PIP5K1B: variants seen among roughly 807,000 people sequenced by gnomAD.
The protein encoded by PIP5K1B is phosphatidylinositol 4-phosphate 5-kinase type-1 beta.
A neutral mutation model predicts 67.0 loss-of-function variants in PIP5K1B; 42 were observed. The ratio of observed to expected loss-of-function variants is 0.63; its 90% CI spans 0.49 to 0.81. PIP5K1B has a LOEUF of 0.81. Among genes scored for constraint, PIP5K1B ranks in the 30% least tolerant of loss-of-function variants. The probability of loss-of-function intolerance (pLI) is 0.00; values close to 1 mark genes in which losing one functional copy is unlikely to be tolerated. For synonymous variants in PIP5K1B, 214 were observed against 231.4 expected (o/e 0.92, Z 0.68); for missense variants, 459 against 646.3 (o/e 0.71, Z 3.14).
intron 15 of PIP5K1B, among the ~76,000 whole-genome samples, chr9:68,993,440 A>G (rs1257641450): frequency 6.6e-6 from 1 of 151,922 alleles, no homozygotes; most frequent in South Asian, 2.1e-4. Flanking sequence ...ACCGCCCCCT[A>G]CGTAAAACAG....
At chr9:68,791,454 A>G (rs1001514927) in intron 2 of PIP5K1B, among the ~76,000 whole-genome samples, 1 of 152,214 alleles carries the variant, frequency 6.6e-6, no homozygotes, top group African/African-American at 2.4e-5. Context: ...TGAGTAAAGA[A>G]TGGCATTGAG....
intron 8 of PIP5K1B, among the ~76,000 whole-genome samples, chr9:68,903,846 A>G (rs1416565642): frequency 6.6e-6 from 1 of 152,252 alleles, no homozygotes; most frequent in African/African-American, 2.4e-5. Flanking sequence ...GTAACTTAAC[A>G]TGTAAAACAA....
At chr9:68,769,439 A>G (rs1414535155) in intron 2 of PIP5K1B, among the ~76,000 whole-genome samples, 5 of 152,022 alleles carry the variant, frequency 3.3e-5, no homozygotes, top group African/African-American at 9.7e-5. Flanking sequence ...CATTAATTGC[A>G]TTTTCCCTTC....
chr9:68,888,999 C>G lies in PIP5K1B; in HGVS notation c.337C>G (p.Pro113Ala), dbSNP rs1382915281. ...CTTTTAGTATTCCATCTGCAGTGAA[C>G]CTCTAATAGAACTGTCTAACCCTGG... is the stretch of plus-strand genomic sequence containing the variant. ...DDYLYSICSE[P>A]LIELSNPGAS... The change falls in exon 7 of 16, where the codon CCT (proline) becomes GCT (alanine). Residue 113 changes from proline (P) to alanine (A), a missense_variant. Around this residue, in one of 2 missense-constraint regions of PIP5K1B, gnomAD observed 290 missense variants for 474.4 expected, o/e 0.61. Transcript: ENST00000265382. The G allele has an allele frequency of 6.2e-7, 1 of 1,609,892 alleles. No homozygotes were observed. Among genetic ancestry groups the G allele is most frequent in the Non-Finnish European group, 8.5e-7 (1 of 1,176,496 alleles).
At chr9:68,858,786 T>C (rs1298425403) in intron 4 of PIP5K1B, among the ~76,000 whole-genome samples, 2 of 152,236 alleles carry the variant, frequency 1.3e-5, no homozygotes, top group Non-Finnish European at 2.9e-5. Flanking sequence ...TGACATGAAA[T>C]GTTTTAATAT....
At chr9:68,766,724 A>AT (rs1051207892) in intron 2 of PIP5K1B, among the ~76,000 whole-genome samples, 3 of 152,132 alleles carry the variant, frequency 2.0e-5, no homozygotes, top group African/African-American at 7.2e-5. Context: ...TGTATTTTAA[A>AT]TTTTTTTACA....
At chr9:68,844,306 G>A (rs1822070666) in intron 4 of PIP5K1B, among the ~76,000 whole-genome samples, 1 of 151,638 alleles carries the variant, frequency 6.6e-6, no homozygotes, top group Non-Finnish European at 1.5e-5. Flanking sequence ...TGGGGTCAGA[G>A]GTCTGGGCTG....
chr9:68,994,258 T>A (rs1830514574), intron 15 of PIP5K1B, among the ~76,000 whole-genome samples: 1 of 152,004 alleles, frequency 6.6e-6, no homozygotes, highest in South Asian at 2.1e-4. Context: ...GTCAGGCTGA[T>A]TTTGAACTCC....
intron 8 of PIP5K1B, among the ~76,000 whole-genome samples, chr9:68,910,414 G>A (rs1354361926): frequency 6.6e-6 from 1 of 152,104 alleles, no homozygotes. Context: ...ATTTGTTCAT[G>A]GGCATTGTAA....
intron 8 of PIP5K1B, among the ~76,000 whole-genome samples, chr9:68,914,233 T>C (rs1040705365): frequency 6.6e-6 from 1 of 152,158 alleles, no homozygotes; most frequent in African/African-American, 2.4e-5. Context: ...GGATACTCTG[T>C]GGAGGAAAAT....
intron 6 of PIP5K1B, among the ~76,000 whole-genome samples, chr9:68,877,440 T>C (rs1823952549): frequency 6.6e-6 from 1 of 152,164 alleles, no homozygotes; most frequent in African/African-American, 2.4e-5. Context: ...AACTTTCTGT[T>C]ACAAGTGAAA....
At position 68,914,183 on chromosome 9, in the gene PIP5K1B, T is replaced by A. The variant is rs572989944; in HGVS notation, c.772-3365T>A. Among the ~76,000 whole-genome samples the A allele has an allele frequency of 3.2e-3, 492 of 152,154 alleles. 3 individuals are homozygous for A. The highest frequency in any genetic ancestry group is 6.5e-3 in the Admixed American group (100 of 15,292). ...TGACAATATAAAAAAAGCATTTTTT[T>A]AAAAAAAACAAAGGTTTTTAACAAG... is the stretch of plus-strand genomic sequence containing the variant. On this transcript the variant is annotated intron_variant, in intron 8 of 15. Coordinates refer to ENST00000265382, the MANE Select transcript of PIP5K1B (RefSeq NM_003558.4).
intron 2 of PIP5K1B, among the ~76,000 whole-genome samples, chr9:68,802,274 A>G (rs948209845): frequency 4.6e-5 from 7 of 152,238 alleles, no homozygotes; most frequent in African/African-American, 1.7e-4. Flanking sequence ...GGAAGAAAAC[A>G]TTTATGAAGC....
At chr9:68,923,737 G>A (rs1164983289) in intron 12 of PIP5K1B, among the ~76,000 whole-genome samples, 2 of 152,128 alleles carry the variant, frequency 1.3e-5, no homozygotes, top group Non-Finnish European at 1.5e-5. Context: ...TTATCAGTCT[G>A]TATACCTTAA....
At chr9:68,915,998 A>G (rs75492488) in intron 8 of PIP5K1B, among the ~76,000 whole-genome samples, 2,770 of 152,290 alleles carry the variant, frequency 0.018, 69 homozygotes, top group African/African-American at 0.06. Context: ...TTACTATATC[A>G]TAAATATCAA....
At chr9:68,743,576 C>T (rs1459898224) in intron 2 of PIP5K1B, among the ~76,000 whole-genome samples, 1 of 152,170 alleles carries the variant, frequency 6.6e-6, no homozygotes, top group African/African-American at 2.4e-5. Context: ...ATCCCTTTCA[C>T]ATGGTGTAGA....
At chr9:68,732,890 C>T (rs888388124) in intron 1 of PIP5K1B, among the ~76,000 whole-genome samples, 1 of 140,082 alleles carries the variant, frequency 7.1e-6, no homozygotes, top group African/African-American at 2.8e-5. Context: ...AGCTCATAAT[C>T]CGTTGCTGGT....
intron 14 of PIP5K1B, chr9:68,963,172 A>C: frequency 6.6e-6 from 3 of 456,286 alleles, no homozygotes; most frequent in Non-Finnish European, 1.3e-5. Flanking sequence ...ATGTGCAAAA[A>C]TTATTAACAG....
At position 68,913,903 on chromosome 9, in the gene PIP5K1B, G is replaced by A. The variant is rs552730098; in HGVS notation, c.772-3645G>A. On this transcript the variant is annotated intron_variant, in intron 8 of 15. Coordinates refer to ENST00000265382, the MANE Select transcript of PIP5K1B (RefSeq NM_003558.4). The stretch of plus-strand genomic sequence containing the variant: ...AAAAATCGGACCCCTTACAGGATCA[G>A]GATAGTGTCTTACTTTATCCAATAG... Among the ~76,000 whole-genome samples, 39 of 152,124 alleles carry A rather than the reference G, an allele frequency of 2.6e-4. 1 individual carries two copies. The highest frequency in any genetic ancestry group is 1.5e-3 in the Admixed American group (23 of 15,278).
Sources: allele counts gnomAD v4.1 joint callset (sites outside exome capture counted in the v4.1 genomes callset), GRCh38; gene constraint gnomAD v4.1.1; regional missense constraint gnomAD v4.1.1; transcripts MANE v1.5; gene names NCBI Gene and HGNC (gene_info 2026-07-23, HGNC 2026-07-21).